The following SNX25 variants were observed in gnomAD, a reference collection of about 807,000 sequenced individuals.
SNX25 encodes the protein sorting nexin-25.
Under a neutral mutation model 113.7 loss-of-function variants are expected in SNX25, and 62 were observed. The observed-to-expected ratio is 0.55, with a 90% confidence interval of 0.44 to 0.67. SNX25 has a LOEUF of 0.67. Ranked by LOEUF, SNX25 falls within the 30% of genes least tolerant of loss-of-function variation. The pLI is 0.00. For missense variants in SNX25, 1,014 were observed against 1,161.0 expected, an observed-to-expected ratio of 0.87 and a Z score of 1.84; for synonymous variants, 421 against 436.2, an observed-to-expected ratio of 0.97 and a Z score of 0.43.
In SNX25 at chr4:185,232,140, CAG is replaced by C. The variant is rs1338165296; in HGVS notation, c.430-15150_430-15149del. 6.6e-6 allele frequency among the ~76,000 whole-genome samples: 1 copy of C among 152,108 alleles called. No individual in the cohort carries two copies. Among genetic ancestry groups the C allele is most frequent in the Non-Finnish European group, 1.5e-5 (1 of 68,010 alleles). On this transcript the variant is annotated intron_variant, in intron 1 of 18. Transcript: ENST00000652585. This position sits in a 1 kb window ranked among gnomAD's most constrained non-coding sequence, Gnocchi z 4.4. Reference sequence around the variant, plus strand: ...CCCGTCTAAACCCAAAGAATGGACTCAGAGACATGAAGAACAGCAGAAGAGAG... The same window carrying C: ...CCCGTCTAAACCCAAAGAATGGACTCAGACATGAAGAACAGCAGAAGAGAG...
chr4:185,338,892 C>T (rs1026191132), intron 10 of SNX25, among the ~76,000 whole-genome samples: 1 of 152,160 alleles, frequency 6.6e-6, no homozygotes, highest in Admixed American at 6.5e-5. Flanking sequence ...GTTTAGAAGT[C>T]AAGAAGTCTG....
chr4:185,315,232 A>G (rs1017008304), intron 7 of SNX25, among the ~76,000 whole-genome samples: 17 of 132,718 alleles, frequency 1.3e-4, no homozygotes, highest in East Asian at 5.1e-4. Context: ...CATCTCAAAA[A>G]AAAAGAAAAG....
Position 185,334,036 on chromosome 4 carries a change from C to CAAAAAAAA in SNX25, c.1914+1288_1914+1295dup, listed in dbSNP as rs34587614. Reference sequence around the variant, plus strand: ...TGCACTCCAGACTGGGCAATAGTCTCAAAAAAAAAAAAAAAAAAGTGGCTA... The same window carrying CAAAAAAAA: ...TGCACTCCAGACTGGGCAATAGTCTCAAAAAAAAAAAAAAAAAAAAAAAAAAGTGGCTA... On this transcript the variant is annotated intron_variant, in intron 10 of 18. Transcript: ENST00000652585. The surrounding 1 kb of genome is among the most constrained non-coding windows in gnomAD (Gnocchi z 4.2). 9.6e-6 allele frequency among the ~76,000 whole-genome samples: 1 copy of CAAAAAAAA among 104,398 alleles called. No homozygotes were observed. The highest frequency in any genetic ancestry group is 3.5e-5 in the African/African-American group (1 of 28,730). The allele number at this position is 104,398 out of a possible 152,430, so 68.5% of individuals were successfully genotyped here.
At chr4:185,353,257 A>G in intron 14 of SNX25, 1 of 426,324 alleles carries the variant, frequency 2.3e-6, no homozygotes. Flanking sequence ...TAATACAGCG[A>G]CAGATTTTTT....
chr4:185,347,858 T>C (rs535137151), intron 13 of SNX25, among the ~76,000 whole-genome samples: 100 of 152,376 alleles, frequency 6.6e-4, no homozygotes, highest in African/African-American at 2.3e-3. Flanking sequence ...TCTGAGTTCC[T>C]TGTCAGATCT....
chr4:185,261,644 G>C (rs1747351072), intron 3 of SNX25, among the ~76,000 whole-genome samples: 1 of 152,116 alleles, frequency 6.6e-6, no homozygotes, highest in Non-Finnish European at 1.5e-5. Context: ...TACTGCTTTT[G>C]TGGATAATAT....
downstream of SNX25, among the ~76,000 whole-genome samples, chr4:185,371,502 A>G (rs200247674): frequency 2.2e-4 from 31 of 142,808 alleles, no homozygotes; most frequent in East Asian, 4.5e-3. Context: ...AGATCGCACC[A>G]CTGCACTCCA....
At chr4:185,266,002 A>G (rs371280109) in intron 4 of SNX25, among the ~76,000 whole-genome samples, 3 of 152,228 alleles carry the variant, frequency 2.0e-5, no homozygotes, top group African/African-American at 7.2e-5. Context: ...AAAAAAGTTA[A>G]CTATATCCAG....
intron 13 of SNX25, among the ~76,000 whole-genome samples, chr4:185,350,162 C>T (rs909650151): frequency 7.2e-5 from 11 of 152,276 alleles, no homozygotes; most frequent in African/African-American, 2.4e-4. Flanking sequence ...TTGTCCCCAG[C>T]GGGGCAGTAT....
chr4:185,322,687 GGTT>G (rs2095129638), intron 8 of SNX25, among the ~76,000 whole-genome samples: 1 of 152,086 alleles, frequency 6.6e-6, no homozygotes, highest in African/African-American at 2.4e-5. Context: ...CATAACTTCT[GGTT>G]GTTCTCAAAG....
At chr4:185,296,836 G>A (rs941902650) in intron 6 of SNX25, among the ~76,000 whole-genome samples, 2 of 152,160 alleles carry the variant, frequency 1.3e-5, no homozygotes, top group Non-Finnish European at 2.9e-5. Flanking sequence ...CTGGCCACAT[G>A]TTTTGACTGA....
chr4:185,359,930 C>A (rs142558613), intron 16 of SNX25, among the ~76,000 whole-genome samples: 114 of 152,228 alleles, frequency 7.5e-4, no homozygotes, highest in African/African-American at 2.7e-3. Context: ...TATCAAGTAG[C>A]GATCATGGCG....
rs945067496 is a variant in SNX25 at position 185,220,722 on chromosome 4, C to T, written c.429+10467C>T. On this transcript the variant is annotated intron_variant, in intron 1 of 18. Coordinates refer to ENST00000652585, the MANE Select transcript of SNX25 (RefSeq NM_001378034.2). ...GTCTCGATCTCCTGACCTTGTGATC[C>T]GCCCACCTCGGCCTCCCAAAGTGCT... Among the ~76,000 whole-genome samples the T allele has an allele frequency of 8.5e-5, 13 of 152,126 alleles. No homozygotes were observed. The East Asian group carries it at 1.2e-3, about 14-fold the overall frequency.
downstream of SNX25, among the ~76,000 whole-genome samples, chr4:185,374,964 C>T (rs148129862): frequency 7.9e-5 from 12 of 152,178 alleles, no homozygotes; most frequent in South Asian, 2.1e-4. Flanking sequence ...TGCACTAATA[C>T]GACATCTGCT....
chr4:185,375,487 A>AAAAAAAAAAAAT, the SNX25 span: 3 of 12,016 alleles, frequency 2.5e-4, no homozygotes, highest in Non-Finnish European at 2.9e-4. Context: ...AAAAAAAAAA[A>AAAAAAAAAAAAT]ATATATATAT....
intron 12 of SNX25, among the ~76,000 whole-genome samples, chr4:185,344,605 G>T (rs1314072602): frequency 6.6e-6 from 1 of 152,122 alleles, no homozygotes; most frequent in Non-Finnish European, 1.5e-5. Context: ...AAACACATAC[G>T]CAGCCTGTCT....
At chr4:185,306,374 A>G (rs545796407) in intron 6 of SNX25, among the ~76,000 whole-genome samples, 23 of 152,256 alleles carry the variant, frequency 1.5e-4, no homozygotes, top group Non-Finnish European at 2.9e-4. Context: ...TGTATGGCCC[A>G]TTATCAAACA....
At chr4:185,282,928 T>A (rs1176807525) in intron 5 of SNX25, among the ~76,000 whole-genome samples, 2 of 152,186 alleles carry the variant, frequency 1.3e-5, no homozygotes, top group Non-Finnish European at 2.9e-5. Context: ...CGTGTCCCCG[T>A]GTCCTCATGG....
intron 1 of SNX25, among the ~76,000 whole-genome samples, chr4:185,238,641 A>G (rs918166120): frequency 1.3e-5 from 2 of 152,182 alleles, no homozygotes; most frequent in Admixed American, 6.5e-5. Context: ...GGACGGCTCC[A>G]TGTGGTTAAT....
Sources: allele counts gnomAD v4.1 joint callset (sites outside exome capture counted in the v4.1 genomes callset), GRCh38; gene constraint gnomAD v4.1.1; non-coding constraint Gnocchi (gnomAD v3.1); transcripts MANE v1.5; gene names NCBI Gene and HGNC (gene_info 2026-07-23, HGNC 2026-07-21).